Variants in FARS2 observed in about 807,000 individuals in gnomAD.
FARS2 encodes phenylalanine--tRNA ligase, mitochondrial.
FARS2 carries 40 observed loss-of-function variants against 46.4 expected under a neutral mutation model. The observed-to-expected ratio is 0.86, with a 90% confidence interval of 0.67 to 1.12. FARS2 has a LOEUF of 1.12. Ranked by LOEUF, FARS2 falls within the 50% of genes most tolerant of loss-of-function variation. The pLI is 0.00. For synonymous variants in FARS2, 234 were observed against 214.9 expected (o/e 1.09, Z -0.78); for missense variants, 513 against 567.9 (o/e 0.90, Z 0.98).
chr6:5,668,740 CT>C (rs1778285178), intron 6 of FARS2, among the ~76,000 whole-genome samples: 1 of 119,780 alleles, frequency 8.3e-6, no homozygotes, highest in Non-Finnish European at 1.6e-5. Flanking sequence ...GTTGCCCAGG[CT>C]GGAGTGCAAT....
At chr6:5,582,345 G>T (rs1177111343) in intron 5 of FARS2, among the ~76,000 whole-genome samples, 1 of 152,138 alleles carries the variant, frequency 6.6e-6, no homozygotes, top group Non-Finnish European at 1.5e-5. Context: ...AACATAACTG[G>T]ATGCTAACAT....
intron 4 of FARS2, among the ~76,000 whole-genome samples, chr6:5,483,591 C>G (rs1446691805): frequency 1.3e-5 from 2 of 152,076 alleles, no homozygotes; most frequent in African/African-American, 4.8e-5. Flanking sequence ...TGCCTGAACC[C>G]AGGAGGCAGA....
At chr6:5,545,374 A>G in intron 5 of FARS2, 34 bp downstream of exon 5, 1 of 1,539,974 alleles carries the variant, frequency 6.5e-7, no homozygotes, top group Non-Finnish European at 8.9e-7. Context: ...ATAGATAATA[A>G]TAAAAATGGC....
At chr6:5,627,838 G>A (rs1222413256) in intron 6 of FARS2, among the ~76,000 whole-genome samples, 1 of 152,168 alleles carries the variant, frequency 6.6e-6, no homozygotes, top group East Asian at 1.9e-4. Context: ...ACCTCAGTTG[G>A]CAGTGTTTTC....
chr6:5,308,538 A>G (rs1768879939), intron 1 of FARS2, among the ~76,000 whole-genome samples: 1 of 152,232 alleles, frequency 6.6e-6, no homozygotes, highest in Non-Finnish European at 1.5e-5. Flanking sequence ...AGAAACACGG[A>G]TTACCGGAAG....
At chr6:5,547,843 C>T (rs894543913) in intron 5 of FARS2, among the ~76,000 whole-genome samples, 6 of 152,224 alleles carry the variant, frequency 3.9e-5, no homozygotes, top group Non-Finnish European at 7.3e-5. Flanking sequence ...CAGCAGCCAT[C>T]AGTGTCTGTC....
intron 6 of FARS2, among the ~76,000 whole-genome samples, chr6:5,768,919 G>A (rs955125594): frequency 3.9e-5 from 6 of 151,992 alleles, no homozygotes; most frequent in African/African-American, 9.7e-5. Context: ...CTCCCATTCT[G>A]TGTGTTCCTT....
chr6:5,498,146 A>G (rs1767581099), intron 4 of FARS2, among the ~76,000 whole-genome samples: 1 of 152,216 alleles, frequency 6.6e-6, no homozygotes, highest in African/African-American at 2.4e-5. Context: ...CATTGAATGG[A>G]ATCTAGGACA....
chr6:5,511,952 T>A (rs989618879), intron 4 of FARS2, among the ~76,000 whole-genome samples: 4 of 152,248 alleles, frequency 2.6e-5, no homozygotes, highest in African/African-American at 9.6e-5. Context: ...TCAACAAGTT[T>A]CAGATCCATC....
At chr6:5,456,796 G>A (rs1764909384) in intron 4 of FARS2, among the ~76,000 whole-genome samples, 1 of 150,778 alleles carries the variant, frequency 6.6e-6, no homozygotes, top group South Asian at 2.1e-4. Context: ...ATTGGAAAGT[G>A]AGGCTCCATC....
chr6:5,546,123 T>C (rs181881136), intron 5 of FARS2, among the ~76,000 whole-genome samples: 99 of 151,900 alleles, frequency 6.5e-4, no homozygotes, highest in Non-Finnish European at 1.1e-3. Context: ...AGCGAAACTC[T>C]GTCTCAAAAA....
intron 5 of FARS2, among the ~76,000 whole-genome samples, chr6:5,585,470 C>G (rs1773562725): frequency 6.6e-6 from 1 of 152,050 alleles, no homozygotes; most frequent in African/African-American, 2.4e-5. Context: ...CAACACCTCC[C>G]CATTCCCCCA....
At chr6:5,258,674 T>C (rs1385090879), upstream of FARS2, among the ~76,000 whole-genome samples, 1 of 152,240 alleles carries the variant, frequency 6.6e-6, no homozygotes. Context: ...TTTAGGTCTA[T>C]GATCTCAGGT....
chr6:5,262,825 A>G (rs540517449), intron 1 of FARS2, among the ~76,000 whole-genome samples: 17 of 152,302 alleles, frequency 1.1e-4, no homozygotes, highest in South Asian at 2.1e-4. Context: ...CAAAACTTCT[A>G]TTACTTCCTG....
chr6:5,656,091 T>G (rs1322983756), intron 6 of FARS2, among the ~76,000 whole-genome samples: 7 of 152,196 alleles, frequency 4.6e-5, no homozygotes, highest in Non-Finnish European at 4.4e-5. Flanking sequence ...AAAACCAGTA[T>G]CGCCATTTTT....
chr6:5,635,567 G>A (rs945913300), intron 6 of FARS2, among the ~76,000 whole-genome samples: 11 of 152,162 alleles, frequency 7.2e-5, no homozygotes, highest in Non-Finnish European at 1.6e-4. Flanking sequence ...CACAGTAAGT[G>A]TTATAGGATG....
In FARS2 at chr6:5,512,313, T is replaced by G. The variant is rs576472691; in HGVS notation, c.905-32867T>G. On this transcript the variant is annotated intron_variant, in intron 4 of 6. Coordinates refer to ENST00000274680, the MANE Select transcript of FARS2 (RefSeq NM_006567.5). The stretch of plus-strand genomic sequence containing the variant: ...CCTCCGACTCCCAGGGCAATGCTCT[T>G]TCCATTACCTGGTGCTACCTCTATG... Among the ~76,000 whole-genome samples the G allele has an allele frequency of 3.9e-5, 6 of 152,226 alleles. No individual in the cohort carries two copies. In the South Asian group the frequency reaches 1.2e-3, roughly 32 times the overall value.
intron 3 of FARS2, among the ~76,000 whole-genome samples, chr6:5,418,906 A>G (rs1392659494): frequency 1.3e-5 from 2 of 151,426 alleles, no homozygotes. Flanking sequence ...TTAGTTTTTC[A>G]TATGGAAGGG....
At chr6:5,752,636 C>T (rs1762014344) in intron 6 of FARS2, among the ~76,000 whole-genome samples, 1 of 152,160 alleles carries the variant, frequency 6.6e-6, no homozygotes, top group East Asian at 1.9e-4. Context: ...CATGCTTTCC[C>T]CTGGATCCCA....
Sources: gnomAD v4.1 joint callset for allele counts (sites outside exome capture counted in the v4.1 genomes callset) on GRCh38, gnomAD v4.1.1 for gene constraint, MANE v1.5 for transcripts, NCBI Gene and HGNC (gene_info 2026-07-23, HGNC 2026-07-21) for gene names.